Variants in GINS1 observed in about 807,000 individuals in gnomAD.
The protein encoded by GINS1 is DNA replication complex GINS protein PSF1.
A neutral mutation model predicts 34.9 loss-of-function variants in GINS1; 26 were observed. The ratio of observed to expected loss-of-function variants is 0.74; its 90% confidence interval spans 0.55 to 1.03. The LOEUF (loss-of-function observed/expected upper bound fraction) is 1.03, where lower values mean the gene tolerates loss of function less well. GINS1 is among the 50% of genes least tolerant of loss of function. The probability of loss-of-function intolerance (pLI) is 0.00; values close to 1 mark genes in which losing one functional copy is unlikely to be tolerated. For missense variants in GINS1, 235 were observed against 237.9 expected, an observed-to-expected ratio of 0.99 and a Z score of 0.08; for synonymous variants, 97 against 84.4, an observed-to-expected ratio of 1.15 and a Z score of -0.82.
chr20:25,426,533 TC>T (rs1296575949), intron 5 of GINS1, among the ~76,000 whole-genome samples: 5 of 151,922 alleles, frequency 3.3e-5, no homozygotes, highest in Non-Finnish European at 7.4e-5. Flanking sequence ...ATTTTTTTTT[TC>T]TTTTTTTTGA....
At chr20:25,443,322 T>C (rs148560942) in intron 6 of GINS1, among the ~76,000 whole-genome samples, 1 of 152,300 alleles carries the variant, frequency 6.6e-6, no homozygotes, top group East Asian at 1.9e-4. Flanking sequence ...CTAATGAATT[T>C]AAAGCAGATA....
chr20:25,420,797 GAAAA>G (rs1316294092), intron 4 of GINS1: 1 of 707,920 alleles, frequency 1.4e-6, no homozygotes, highest in Non-Finnish European at 1.7e-6. Context: ...AAAAAAAAAA[GAAAA>G]AAAGAAAAAG....
At position 25,417,088 on chromosome 20, in the gene GINS1, TAA is replaced by T; in HGVS notation, c.141-14_141-13del. The T allele has an allele frequency of 8.1e-7, 1 of 1,241,454 alleles. No homozygotes were observed. Among genetic ancestry groups the T allele is most frequent in the Non-Finnish European group, 1.2e-6 (1 of 855,812 alleles). 76.9% of individuals were successfully genotyped at this position (1,241,454 alleles called of 1,614,324 possible). The stretch of plus-strand genomic sequence containing the variant: ...GAAAAGTACATATTTTTTTTCTTTT[TAA>T]ATGCTCCTATCAGGAATGAAGCAAA... On this transcript the variant is annotated splice_polypyrimidine_tract_variant and intron_variant, in intron 2 of 6. Transcript: ENST00000262460.
intron 6 of GINS1, among the ~76,000 whole-genome samples, chr20:25,443,629 C>T (rs947281268): frequency 1.3e-5 from 2 of 151,522 alleles, no homozygotes; most frequent in East Asian, 3.9e-4. Flanking sequence ...CAGGCGCCTG[C>T]CACCACGCCT....
chr20:25,442,652 G>C (rs908911700), intron 6 of GINS1, among the ~76,000 whole-genome samples: 3 of 148,448 alleles, frequency 2.0e-5, no homozygotes, highest in African/African-American at 7.5e-5. Flanking sequence ...CTGTTCCCCA[G>C]GCTGGAGTGC....
chr20:25,413,550 G>A, intron 1 of GINS1: 1 of 464,038 alleles, frequency 2.2e-6, no homozygotes, highest in Non-Finnish European at 3.8e-6. Flanking sequence ...TAGCTTTTGA[G>A]GAACTGTCAA....
At chr20:25,414,674 T>C (rs1323833526) in intron 2 of GINS1, among the ~76,000 whole-genome samples, 1 of 152,170 alleles carries the variant, frequency 6.6e-6, no homozygotes, top group Non-Finnish European at 1.5e-5. Flanking sequence ...CACCCTAGCC[T>C]GGGTGACAGA....
At chr20:25,411,132 G>C (rs867536257) in intron 1 of GINS1, 2 of 152,200 alleles carry the variant, frequency 1.3e-5, no homozygotes, top group South Asian at 2.1e-4. Flanking sequence ...AGAATTAGCT[G>C]GGTGTGGTGG....
intron 5 of GINS1, among the ~76,000 whole-genome samples, chr20:25,430,810 G>C (rs1347804168): frequency 6.6e-6 from 1 of 152,212 alleles, no homozygotes; most frequent in Non-Finnish European, 1.5e-5. Context: ...GATTACAGGC[G>C]TGAGCCACCA....
At chr20:25,433,235 T>C (rs909274204) in intron 5 of GINS1, among the ~76,000 whole-genome samples, 1 of 152,182 alleles carries the variant, frequency 6.6e-6, no homozygotes, top group Non-Finnish European at 1.5e-5. Flanking sequence ...TATAACTTTT[T>C]TTTTCTTGCA....
Position 25,420,875 on chromosome 20 carries a change from A to G in GINS1, c.330+2680A>G, listed in dbSNP as rs891929103. The G allele has an allele frequency of 6.1e-6, 6 of 978,888 alleles. No homozygotes were observed. In the African/African-American group the frequency reaches 1.1e-4, roughly 17 times the overall value. 60.6% of individuals were successfully genotyped at this position (978,888 alleles called of 1,614,324 possible). The stretch of plus-strand genomic sequence containing the variant: ...GATGTTTTGGAAACACTGAAGGATG[A>G]GAAGAGATTAATACAGATAAACTCT... On this transcript the variant is annotated intron_variant, in intron 4 of 6. Coordinates refer to ENST00000262460, the MANE Select transcript of GINS1 (RefSeq NM_021067.5).
intron 5 of GINS1, among the ~76,000 whole-genome samples, chr20:25,436,974 T>G (rs1004194468): frequency 3.9e-5 from 6 of 152,184 alleles, no homozygotes; most frequent in Admixed American, 3.9e-4. Context: ...TTTGTTACTG[T>G]TTTTGTTTTT....
At chr20:25,431,963 G>T (rs1330624268) in intron 5 of GINS1, among the ~76,000 whole-genome samples, 1 of 152,056 alleles carries the variant, frequency 6.6e-6, no homozygotes, top group Non-Finnish European at 1.5e-5. Flanking sequence ...CATTTCCCGG[G>T]TTCAAGTGAT....
intron 1 of GINS1, among the ~76,000 whole-genome samples, chr20:25,412,362 T>C (rs188717312): frequency 8.6e-4 from 130 of 151,730 alleles, no homozygotes; most frequent in African/African-American, 3.0e-3. Context: ...AAGACCAGCC[T>C]GGCCAATATA....
At chr20:25,432,892 A>T (rs1320744481) in intron 5 of GINS1, among the ~76,000 whole-genome samples, 1 of 148,508 alleles carries the variant, frequency 6.7e-6, no homozygotes, top group African/African-American at 2.4e-5. Context: ...ATTATATATT[A>T]ATATATATTC....
intron 5 of GINS1, among the ~76,000 whole-genome samples, chr20:25,426,661 G>A (rs1250763197): frequency 6.6e-6 from 1 of 151,024 alleles, no homozygotes; most frequent in African/African-American, 2.4e-5. Context: ...AAACAGCTGG[G>A]ATTACAGGCA....
chr20:25,416,700 T>C (rs905566797), intron 2 of GINS1, among the ~76,000 whole-genome samples: 1 of 152,174 alleles, frequency 6.6e-6, no homozygotes, highest in Non-Finnish European at 1.5e-5. Flanking sequence ...GAAGCTCCAC[T>C]GGAAGGGAGG....
chr20:25,445,663 A>T (rs2090508090), intron 6 of GINS1, among the ~76,000 whole-genome samples: 1 of 152,026 alleles, frequency 6.6e-6, no homozygotes, highest in Middle Eastern at 3.2e-3. Flanking sequence ...TGTATTTTTT[A>T]GTAGAGACGC....
chr20:25,423,303 G>T (rs369716403), intron 4 of GINS1, among the ~76,000 whole-genome samples: 2 of 150,440 alleles, frequency 1.3e-5, no homozygotes, highest in African/African-American at 2.4e-5. Context: ...TAGTGGAGGT[G>T]GGGTTTCACC....
Sources: allele counts gnomAD v4.1 joint callset (sites outside exome capture counted in the v4.1 genomes callset), GRCh38; gene constraint gnomAD v4.1.1; transcripts MANE v1.5; gene names NCBI Gene and HGNC (gene_info 2026-07-23, HGNC 2026-07-21).